The following PCM1 variants were observed in gnomAD, a reference collection of about 807,000 sequenced individuals.
The protein encoded by PCM1 is pericentriolar material 1 protein.
PCM1 carries 157 observed loss-of-function variants against 241.9 expected under a neutral mutation model. That is an observed-to-expected ratio of 0.65 (90% CI 0.57 to 0.74). PCM1 has a LOEUF of 0.74. PCM1 is among the 30% of genes least tolerant of loss of function. The probability of loss-of-function intolerance (pLI) is 0.00; values close to 1 mark genes in which losing one functional copy is unlikely to be tolerated. For synonymous variants in PCM1, 1,085 were observed against 784.9 expected, an observed-to-expected ratio of 1.38 and a Z score of -6.39; for missense variants, 3,478 against 2,360.1, an observed-to-expected ratio of 1.47 and a Z score of -9.81.
Position 17,957,569 on chromosome 8 carries a change from G to A in PCM1, c.1834G>A (p.Glu612Lys). 6.4e-7 allele frequency: 1 copy of A among 1,574,358 alleles called. No individual in the cohort carries two copies. The highest frequency in any genetic ancestry group is 8.6e-7 in the Non-Finnish European group (1 of 1,158,318). Residue 612 changes from glutamate to lysine, a missense_variant, in exon 13 of 39, where the codon GAG becomes AAG. Physicochemically the swap from Glu to Lys is moderately conservative, Grantham distance 56. Coordinates refer to ENST00000325083, the MANE Select transcript of PCM1 (RefSeq NM_006197.4). ...TCGATATAATAGAGAAGGGGAACAG[G>A]AGATTCATGTTGCACAAGGTGAAGA... ...DCRYNREGEQEIHVAQGEDDE... is the reference protein window; with the variant it reads ...DCRYNREGEQKIHVAQGEDDE...
chr8:17,945,286 C>G (rs1268212568), intron 6 of PCM1, among the ~76,000 whole-genome samples: 1 of 152,024 alleles, frequency 6.6e-6, no homozygotes, highest in African/African-American at 2.4e-5. Flanking sequence ...AGGTAACTCC[C>G]CTTATATAGG....
chr8:17,972,816 A>G, intron 23 of PCM1, 129 bp downstream of exon 23: 2 of 421,886 alleles, frequency 4.7e-6, no homozygotes, highest in Non-Finnish European at 8.3e-6. Flanking sequence ...TTGAACAGTC[A>G]TTTTTAGTTA....
At chr8:17,985,931 T>G in intron 25 of PCM1, 28 bp from the exon 26 acceptor site, 1 of 1,388,850 alleles carries the variant, frequency 7.2e-7, no homozygotes, top group Non-Finnish European at 9.8e-7. Flanking sequence ...ATGTTTTATA[T>G]AAATGATGAT....
In PCM1 at chr8:17,962,048, T is replaced by A; in HGVS notation, c.2337T>A (p.Ser779Arg). Residue 779 changes from serine (S) to arginine (R), a missense_variant, in exon 16 of 39, where the codon AGT becomes AGA. By Grantham distance (110) the Ser-to-Arg change is moderately radical. Transcript: ENST00000325083. ...ACPDLQLSAASVGNCPTKKYM... is the reference protein window; with the variant it reads ...ACPDLQLSAARVGNCPTKKYM... Reference sequence around the variant, plus strand: ...TTCCTTTTTAGCTGTCAGCTGCTAGTGTGGGTAACTGTCCCACCAAAAAAT... The same window carrying A: ...TTCCTTTTTAGCTGTCAGCTGCTAGAGTGGGTAACTGTCCCACCAAAAAAT... The A allele has an allele frequency of 6.2e-7, 1 of 1,610,176 alleles. No homozygotes were observed. The highest frequency in any genetic ancestry group is 8.5e-7 in the Non-Finnish European group (1 of 1,177,938).
chr8:17,994,784 A>C lies in PCM1; in HGVS notation c.4827+1165A>C, dbSNP rs571151598. ...TGTAGTTTTGATTGTCATTTCCGTG[A>C]TCATGTTGAGCACCTTTTATGTGCC... On this transcript the variant is annotated intron_variant, in intron 29 of 38. Coordinates refer to ENST00000325083, the MANE Select transcript of PCM1 (RefSeq NM_006197.4). 1.4e-4 allele frequency among the ~76,000 whole-genome samples: 21 copies of C among 146,860 alleles called. 1 individual carries two copies. In the South Asian group the frequency reaches 2.3e-3, roughly 16 times the overall value.
chr8:18,002,067 T>TTC (rs1554751244), intron 29 of PCM1, among the ~76,000 whole-genome samples: 1 of 68,860 alleles, frequency 1.5e-5, no homozygotes, highest in Non-Finnish European at 2.5e-5. Flanking sequence ...TTTTTTTCTT[T>TTC]TTTTTTTTTT....
Position 17,932,752 on chromosome 8 carries a change from CTG to C in PCM1, c.-22-2835_-22-2834del, listed in dbSNP as rs1408847710. Among the ~76,000 whole-genome samples the C allele has an allele frequency of 2.6e-5, 4 of 152,006 alleles. No homozygotes were observed. In the East Asian group the frequency reaches 7.7e-4, roughly 29 times the overall value. On this transcript the variant is annotated intron_variant, in intron 2 of 38. Coordinates refer to ENST00000325083, the MANE Select transcript of PCM1 (RefSeq NM_006197.4). Reference sequence around the variant, plus strand: ...TTGTGTTCTAAATTTAGTAAGTTCTCTGTTTTTAAAAACCATTCAATTTTCTT... The same window carrying C: ...TTGTGTTCTAAATTTAGTAAGTTCTCTTTTTAAAAACCATTCAATTTTCTT...
rs201336252 is a variant in PCM1 at position 17,957,405 on chromosome 8, C to T, written c.1788C>T (p.Asn596=). 14 of 1,612,266 alleles carry T rather than the reference C, an allele frequency of 8.7e-6. No individual in the cohort carries two copies. The highest frequency in any genetic ancestry group is 1.2e-5 in the Non-Finnish European group (14 of 1,178,718). ...CTGCTGCCAACATAAGGGCTCTAAA[C>T]ATGCCTCCTTCTTTAGGTATGACTG... ...NRSAANIRAL[N]MPPSLDCRYN... The change falls in exon 12 of 39, where the codon AAC becomes AAT. Residue 596 remains asparagine (N), a synonymous_variant. Coordinates refer to ENST00000325083, the MANE Select transcript of PCM1 (RefSeq NM_006197.4).
In PCM1 at chr8:17,955,487, G is replaced by A. The variant is rs375779601; in HGVS notation, c.1306G>A (p.Val436Ile). 94 of 1,609,260 alleles carry A rather than the reference G, an allele frequency of 5.8e-5. 1 individual carries two copies. Among genetic ancestry groups the A allele is most frequent in the Non-Finnish European group, 7.8e-5 (92 of 1,178,054 alleles). The change falls in exon 10 of 39, where the codon GTC (valine) becomes ATC (isoleucine). Residue 436 changes from valine to isoleucine, a missense_variant. By Grantham distance (29) the Val-to-Ile change is conservative. Coordinates refer to ENST00000325083, the MANE Select transcript of PCM1 (RefSeq NM_006197.4). ...TTCTTCAGCCTCTCCACAAAGGAGT[G>A]TCGATCAGAGAAGTACTTCAGCTCC... ...NNSSSSPQRS[V>I]DQRSTSAPSA...
intron 6 of PCM1, among the ~76,000 whole-genome samples, chr8:17,942,640 A>G (rs892827108): frequency 5.9e-5 from 9 of 151,678 alleles, no homozygotes; most frequent in African/African-American, 1.7e-4. Context: ...TTAATTTTCC[A>G]TGATTTGCAT....
intron 10 of PCM1, chr8:17,955,982 C>G (rs1586737024): frequency 2.8e-6 from 1 of 362,158 alleles, no homozygotes; most frequent in East Asian, 6.8e-5. Flanking sequence ...TTGTATCACA[C>G]AAGGCTGTGT....
chr8:17,935,245 A>T, intron 2 of PCM1, among the ~76,000 whole-genome samples: 1 of 152,118 alleles, frequency 6.6e-6, no homozygotes, highest in East Asian at 1.9e-4. Context: ...TTCCTGGGAG[A>T]AGTTCTGGGT....
Position 17,949,035 on chromosome 8 carries a change from C to G in PCM1, c.962-1580C>G, listed in dbSNP as rs61352170. ...ATTTCTTGAATTGTAGGTCAGGGGT[C>G]TTGTTTCTTTTTCTGAATATGAACT... On this transcript the variant is annotated intron_variant, in intron 7 of 38. Coordinates refer to ENST00000325083, the MANE Select transcript of PCM1 (RefSeq NM_006197.4). Among the ~76,000 whole-genome samples, 20 of 152,136 alleles carry G rather than the reference C, an allele frequency of 1.3e-4. No homozygotes were observed. The East Asian group carries it at 3.5e-3, about 26-fold the overall frequency.
At chr8:17,945,125 A>G (rs535156675) in intron 6 of PCM1, among the ~76,000 whole-genome samples, 43 of 152,180 alleles carry the variant, frequency 2.8e-4, no homozygotes, top group Admixed American at 1.2e-3. Context: ...TGATGAAATC[A>G]TTATAAAATT....
intron 36 of PCM1, among the ~76,000 whole-genome samples, chr8:18,019,670 C>T (rs919527990): frequency 3.9e-5 from 6 of 152,078 alleles, no homozygotes; most frequent in Non-Finnish European, 8.8e-5. Flanking sequence ...AATCTGTTGC[C>T]GCCAGTGATC....
At chr8:18,022,116 G>A (rs1382750151) in intron 36 of PCM1, among the ~76,000 whole-genome samples, 1 of 152,064 alleles carries the variant, frequency 6.6e-6, no homozygotes, top group Non-Finnish European at 1.5e-5. Flanking sequence ...AAACTTCAGG[G>A]TTTTCAGCCT....
At chr8:17,991,036 A>T (rs997007236) in intron 27 of PCM1, among the ~76,000 whole-genome samples, 15 of 146,248 alleles carry the variant, frequency 1.0e-4, no homozygotes, top group Admixed American at 5.5e-4. Flanking sequence ...ATTTTCTTTC[A>T]TTTACTGGTA....
In PCM1 at chr8:17,956,719, A is replaced by G. The variant is rs2068664853; in HGVS notation, c.1588A>G (p.Thr530Ala). ...AVNENRKDEETEESEYDSEHE... is the reference protein window; with the variant it reads ...AVNENRKDEEAEESEYDSEHE... ...GAATGAAAACAGGAAAGATGAAGAA[A>G]CTGAAGAGTCAGAATATGATTCTGA... Residue 530 changes from threonine to alanine, a missense_variant, in exon 11 of 39, where the codon ACT becomes GCT. Physicochemically the swap from Thr to Ala is moderately conservative, Grantham distance 58 (BLOSUM62 0). Transcript: ENST00000325083. The G allele has an allele frequency of 6.2e-7, 1 of 1,608,280 alleles. No individual in the cohort carries two copies. The highest frequency in any genetic ancestry group is 8.5e-7 in the Non-Finnish European group (1 of 1,176,570).
Position 17,956,832 on chromosome 8 carries a change from A to G in PCM1, c.1646+55A>G, listed in dbSNP as rs911722475. 46 of 1,306,496 alleles carry G rather than the reference A, an allele frequency of 3.5e-5. 1 individual carries two copies. The South Asian group carries it at 5.4e-4, about 15-fold the overall frequency. The allele number at this position is 1,306,496 out of a possible 1,614,324, so 80.9% of individuals were successfully genotyped here. ...GCATATTCATTCTGTCTTGATACTTATAATGTGGGAACAAAAATACTTCGT... is the reference window on the plus strand; with the variant it reads ...GCATATTCATTCTGTCTTGATACTTGTAATGTGGGAACAAAAATACTTCGT... On this transcript the variant is annotated intron_variant, in intron 11 of 38. Coordinates refer to ENST00000325083, the MANE Select transcript of PCM1 (RefSeq NM_006197.4).
Sources: gnomAD v4.1 joint callset for allele counts (sites outside exome capture counted in the v4.1 genomes callset) on GRCh38, gnomAD v4.1.1 for gene constraint, MANE v1.5 for transcripts, NCBI Gene and HGNC (gene_info 2026-07-23, HGNC 2026-07-21) for gene names.